The following ITGAM variants were observed in gnomAD, a reference collection of about 807,000 sequenced individuals.
The protein encoded by ITGAM is integrin subunit alpha M.
A neutral mutation model predicts 137.5 loss-of-function variants in ITGAM; 79 were observed. The observed-to-expected ratio is 0.57, with a 90% CI of 0.48 to 0.69. The LOEUF (loss-of-function observed/expected upper bound fraction) is 0.69, where lower values mean the gene tolerates loss of function less well. ITGAM is among the 30% of genes least tolerant of loss of function. ITGAM has a pLI of 0.00. For synonymous variants in ITGAM, 583 were observed against 592.3 expected (o/e 0.98, Z 0.23); for missense variants, 1,343 against 1,483.5 (o/e 0.91, Z 1.56).
intron 14 of ITGAM, among the ~76,000 whole-genome samples, chr16:31,306,508 C>CTT (rs1157246212): frequency 5.6e-5 from 8 of 142,302 alleles, no homozygotes; most frequent in Non-Finnish European, 6.2e-5. Flanking sequence ...GCAAGGTACT[C>CTT]TTTTTTTTTT....
At position 31,276,714 on chromosome 16, in the gene ITGAM, T is replaced by C; in HGVS notation, c.1053T>C (p.Ser351=). Residue 351 remains serine (S), a synonymous_variant, in exon 10 of 30, where the codon TCT becomes TCC. Transcript: ENST00000544665. ...GSSSSFEHEM[S]QEGFSAAITS... ...GCAGCTCCTTTGAGCATGAGATGTCTCAGGAAGGCTTCAGCGCTGCCATCA... is the reference window on the plus strand; with the variant it reads ...GCAGCTCCTTTGAGCATGAGATGTCCCAGGAAGGCTTCAGCGCTGCCATCA... 1.2e-6 allele frequency: 2 copies of C among 1,612,278 alleles called. No homozygotes were observed. The highest frequency in any genetic ancestry group is 1.7e-6 in the Non-Finnish European group (2 of 1,179,178).
At chr16:31,313,170 A>T (rs920593400) in intron 14 of ITGAM, among the ~76,000 whole-genome samples, 1 of 151,884 alleles carries the variant, frequency 6.6e-6, no homozygotes, top group African/African-American at 2.4e-5. Flanking sequence ...GTGAGCCAAG[A>T]CTGCACCACT....
At chr16:31,329,073 T>TCTCC in intron 23 of ITGAM, 155 bp from the exon 24 acceptor site, 15 of 426,228 alleles carry the variant, frequency 3.5e-5, no homozygotes, top group South Asian at 1.7e-4. Flanking sequence ...ACACATTGGT[T>TCTCC]CCCCCATCCC....
chr16:31,278,498 G>C (rs1029324214), intron 12 of ITGAM, among the ~76,000 whole-genome samples: 1 of 152,136 alleles, frequency 6.6e-6, no homozygotes, highest in African/African-American at 2.4e-5. Flanking sequence ...CCATGATCCA[G>C]CAACTATGAG....
intron 5 of ITGAM, among the ~76,000 whole-genome samples, chr16:31,270,699 G>GTGTGTATATATATA (rs1477833816): frequency 3.8e-4 from 10 of 26,006 alleles, no homozygotes; most frequent in East Asian, 1.6e-3. Context: ...GTGTGTGTGT[G>GTGTGTATATATATA]TATATATATA....
At position 31,325,527 on chromosome 16, in the gene ITGAM, C is replaced by T; in HGVS notation, c.2533C>T (p.Leu845=). Residue 845 remains leucine, a synonymous_variant, in exon 21 of 30, where the codon CTG becomes TTG. Coordinates refer to ENST00000544665, the MANE Select transcript of ITGAM (RefSeq NM_000632.4). ...CCAGCGCTCACAGCGATCCTGGCGCCTGGCCTGTGAGTCTGCCTCCTCCAC... is the reference window on the plus strand; with the variant it reads ...CCAGCGCTCACAGCGATCCTGGCGCTTGGCCTGTGAGTCTGCCTCCTCCAC... The part of the protein sequence containing the change: ...QNQRSQRSWR[L]ACESASSTEV... 1.2e-6 allele frequency: 2 copies of T among 1,614,016 alleles called. No homozygotes were observed. Among genetic ancestry groups the T allele is most frequent in the Non-Finnish European group, 1.7e-6 (2 of 1,179,894 alleles).
chr16:31,277,852 G>A (rs2079926072), intron 11 of ITGAM, 115 bp from the exon 12 acceptor site: 6 of 1,067,028 alleles, frequency 5.6e-6, no homozygotes, highest in Admixed American at 2.8e-5. Flanking sequence ...GTAGGGATCA[G>A]TTACCCCAAC....
At chr16:31,316,733 A>G (rs566436245) in intron 14 of ITGAM, among the ~76,000 whole-genome samples, 1 of 152,142 alleles carries the variant, frequency 6.6e-6, no homozygotes, top group African/African-American at 2.4e-5. Context: ...TATTCTTTCA[A>G]TCCATAATAT....
Position 31,331,185 on chromosome 16 carries a change from G to A in ITGAM, c.3297G>A (p.Pro1099=). The stretch of plus-strand genomic sequence containing the variant: ...CCCAGACGGAGACCAAAGTGGAGCC[G>A]TTCGAGGTCCCCAACCCCCTGCCGC... ...VRSQTETKVE[P]FEVPNPLPLI... is the part of the protein sequence containing the mutation. Residue 1099 remains proline, a synonymous_variant, in exon 29 of 30, where the codon CCG becomes CCA. Transcript: ENST00000544665. 2 of 1,611,730 alleles carry A rather than the reference G, an allele frequency of 1.2e-6. No individual in the cohort carries two copies. The highest frequency in any genetic ancestry group is 8.5e-7 in the Non-Finnish European group (1 of 1,178,304).
intron 12 of ITGAM, among the ~76,000 whole-genome samples, chr16:31,279,926 G>T (rs1175278651): frequency 6.6e-6 from 1 of 152,142 alleles, no homozygotes; most frequent in Non-Finnish European, 1.5e-5. Flanking sequence ...TAAGGTGTAA[G>T]GAAGGGATCC....
intron 14 of ITGAM, among the ~76,000 whole-genome samples, chr16:31,305,704 G>T (rs73534428): frequency 0.012 from 1,882 of 152,128 alleles, 34 homozygotes; most frequent in African/African-American, 0.043. Context: ...TGCTTGTTCT[G>T]CATCTATTGA....
intron 12 of ITGAM, among the ~76,000 whole-genome samples, chr16:31,285,947 C>T (rs1039160499): frequency 3.3e-5 from 5 of 152,060 alleles, no homozygotes; most frequent in Non-Finnish European, 7.4e-5. Context: ...GCTGAGATTA[C>T]AGGTGTGAAC....
Position 31,271,036 on chromosome 16 carries a change from G to A in ITGAM, c.510G>A (p.Lys170=), listed in dbSNP as rs772703244. Residue 170 remains lysine (K), a synonymous_variant, in exon 6 of 30, where the codon AAG becomes AAA. Transcript: ENST00000544665. ...TCCCACATGACTTTCGGCGGATGAA[G>A]GAGTTTGTCTCAACTGTGATGGAGC... ...SIIPHDFRRM[K]EFVSTVMEQL... is the part of the protein sequence containing the mutation. 1.9e-5 allele frequency: 30 copies of A among 1,584,420 alleles called. No individual in the cohort carries two copies. Among genetic ancestry groups the A allele is most frequent in the East Asian group, 1.4e-4 (6 of 43,376 alleles).
chr16:31,302,458 C>CCTTCCTTTCTTT (rs2080213253), intron 14 of ITGAM, among the ~76,000 whole-genome samples: 2 of 111,918 alleles, frequency 1.8e-5, no homozygotes, highest in African/African-American at 4.8e-5. Flanking sequence ...TTTCTTCCTT[C>CCTTCCTTTCTTT]CTTTCTTTCT....
intron 14 of ITGAM, among the ~76,000 whole-genome samples, 161 bp from the exon 15 acceptor site, chr16:31,321,080 C>G (rs2080444450): frequency 6.6e-6 from 1 of 152,054 alleles, no homozygotes; most frequent in Non-Finnish European, 1.5e-5. Context: ...TGAATAATTC[C>G]TTGATAAGTT....
chr16:31,289,121 A>T (rs574309273), intron 12 of ITGAM, among the ~76,000 whole-genome samples: 1 of 152,284 alleles, frequency 6.6e-6, no homozygotes, highest in African/African-American at 2.4e-5. Context: ...GCTGGAGAGG[A>T]TGTGGAGAAA....
At chr16:31,311,438 GA>G (rs1170236490) in intron 14 of ITGAM, among the ~76,000 whole-genome samples, 4 of 151,936 alleles carry the variant, frequency 2.6e-5, no homozygotes, top group Non-Finnish European at 5.9e-5. Flanking sequence ...AAATTTACAA[GA>G]AAAAAACAAA....
At chr16:31,321,788 TG>T (rs2080454014) in intron 16 of ITGAM, among the ~76,000 whole-genome samples, 161 bp downstream of exon 16, 1 of 152,180 alleles carries the variant, frequency 6.6e-6, no homozygotes, top group Non-Finnish European at 1.5e-5. Context: ...ATTGTCCTGC[TG>T]GGTAGGGAAG....
At position 31,270,177 on chromosome 16, in the gene ITGAM, C is replaced by T. The variant is rs529338174; in HGVS notation, c.428-777C>T. Among the ~76,000 whole-genome samples, 1,097 of 143,326 alleles carry T rather than the reference C, an allele frequency of 7.7e-3. 12 individuals carry two copies. Among genetic ancestry groups the T allele is most frequent in the Middle Eastern group, 0.017 (5 of 290 alleles). The allele number at this position is 143,326 out of a possible 152,430, so 94.0% of individuals were successfully genotyped here. A position where few individuals can be genotyped will look rare whatever the true frequency, so the allele number is the denominator to read the frequency against. ...CCTTTCCTTTCCTTTCCTTTCCTTT[C>T]CTTTCCTTTCCTTTTTTTCTTCCTT... On this transcript the variant is annotated intron_variant, in intron 5 of 29. Coordinates refer to ENST00000544665, the MANE Select transcript of ITGAM (RefSeq NM_000632.4).
Sources: allele counts gnomAD v4.1 joint callset (sites outside exome capture counted in the v4.1 genomes callset), GRCh38; gene constraint gnomAD v4.1.1; transcripts MANE v1.5; gene names NCBI Gene and HGNC (gene_info 2026-07-23, HGNC 2026-07-21).